HHAT: variants seen among roughly 807,000 people sequenced by gnomAD.
The protein encoded by HHAT is hedgehog acyltransferase.
A neutral mutation model predicts 70.8 loss-of-function variants in HHAT; 47 were observed. The ratio of observed to expected loss-of-function variants is 0.66; its 90% CI spans 0.53 to 0.85. HHAT has a LOEUF of 0.85. Ranked by LOEUF, HHAT falls within the 40% of genes least tolerant of loss-of-function variation. HHAT has a pLI of 0.00. For missense variants in HHAT, 609 were observed against 604.8 expected (o/e 1.01, Z -0.07); for synonymous variants, 228 against 247.6 (o/e 0.92, Z 0.74).
At chr1:210,509,738 A>G (rs1374902507) in intron 8 of HHAT, among the ~76,000 whole-genome samples, 1 of 152,108 alleles carries the variant, frequency 6.6e-6, no homozygotes, top group Non-Finnish European at 1.5e-5. Context: ...AGAAACTATA[A>G]CCCTTTACTC....
At chr1:210,621,087 G>T (rs1177869711) in intron 10 of HHAT, among the ~76,000 whole-genome samples, 1 of 152,120 alleles carries the variant, frequency 6.6e-6, no homozygotes, top group Non-Finnish European at 1.5e-5. Context: ...GCTGTGTCCA[G>T]TCCTTACCCT....
chr1:210,410,526 T>A (rs1327607152), intron 6 of HHAT, among the ~76,000 whole-genome samples: 1 of 85,926 alleles, frequency 1.2e-5, no homozygotes, highest in Non-Finnish European at 2.6e-5. Context: ...TTTGTAAATT[T>A]TTTTTTTTTT....
At chr1:210,466,294 G>C (rs1175094701) in intron 8 of HHAT, among the ~76,000 whole-genome samples, 1 of 152,236 alleles carries the variant, frequency 6.6e-6, no homozygotes. Context: ...TAGTTACTCT[G>C]ATTTGTCCTT....
intron 3 of HHAT, among the ~76,000 whole-genome samples, chr1:210,379,511 G>C (rs1382508753): frequency 6.6e-6 from 1 of 152,244 alleles, no homozygotes; most frequent in Non-Finnish European, 1.5e-5. Context: ...GAATGCTGAA[G>C]TTCCTTTTTG....
At chr1:210,554,357 G>A (rs1014791635) in intron 9 of HHAT, among the ~76,000 whole-genome samples, 8 of 152,114 alleles carry the variant, frequency 5.3e-5, no homozygotes, top group Admixed American at 5.2e-4. Context: ...CTTTGTCCTG[G>A]CTTTTGAAGA....
chr1:210,589,430 G>A (rs1049785957), intron 10 of HHAT: 5 of 152,344 alleles, frequency 3.3e-5, no homozygotes, highest in South Asian at 2.1e-4. Flanking sequence ...CCATGGCTAT[G>A]TAACACACAG....
chr1:210,393,005 G>A (rs1306212960), intron 4 of HHAT, among the ~76,000 whole-genome samples: 4 of 152,150 alleles, frequency 2.6e-5, no homozygotes, highest in Admixed American at 6.5e-5. Context: ...TTCTCCTCTC[G>A]TGGGAGGCAG....
chr1:210,587,610 A>C (rs1044660960), intron 9 of HHAT, among the ~76,000 whole-genome samples: 96 of 152,216 alleles, frequency 6.3e-4, no homozygotes, highest in South Asian at 4.2e-4. Flanking sequence ...CCCTTTCAGA[A>C]ACTCTAAATT....
intron 8 of HHAT, among the ~76,000 whole-genome samples, chr1:210,487,587 T>C (rs2094492444): frequency 6.6e-6 from 1 of 152,176 alleles, no homozygotes; most frequent in Non-Finnish European, 1.5e-5. Flanking sequence ...AATGAATGGC[T>C]TGGAAGAATG....
At chr1:210,587,381 G>A (rs1045314787) in intron 9 of HHAT, among the ~76,000 whole-genome samples, 4 of 152,074 alleles carry the variant, frequency 2.6e-5, no homozygotes, top group South Asian at 2.1e-4. Context: ...AGACTTATTC[G>A]CTATCATGAG....
chr1:210,575,087 A>T (rs575610041), intron 9 of HHAT, among the ~76,000 whole-genome samples: 1 of 152,032 alleles, frequency 6.6e-6, no homozygotes, highest in South Asian at 2.1e-4. Context: ...CTGCTGATGG[A>T]GCAAAGATTG....
At chr1:210,471,030 G>A (rs147250310) in intron 8 of HHAT, among the ~76,000 whole-genome samples, 8 of 152,088 alleles carry the variant, frequency 5.3e-5, no homozygotes, top group East Asian at 1.9e-4. Flanking sequence ...TGCTGTAACC[G>A]TAGCACCCTC....
At chr1:210,343,925 C>T (rs183998599) in intron 1 of HHAT, among the ~76,000 whole-genome samples, 3 of 152,182 alleles carry the variant, frequency 2.0e-5, no homozygotes, top group Non-Finnish European at 4.4e-5. Context: ...TTGTTGAGTG[C>T]TTATTCACTG....
At chr1:210,373,190 A>G (rs1211349665) in intron 3 of HHAT, among the ~76,000 whole-genome samples, 2 of 152,228 alleles carry the variant, frequency 1.3e-5, no homozygotes, top group East Asian at 3.9e-4. Context: ...GTGCTGTAAC[A>G]TGATTCAGAC....
chr1:210,627,164 G>A (rs1435923498), intron 11 of HHAT, among the ~76,000 whole-genome samples: 3 of 152,162 alleles, frequency 2.0e-5, no homozygotes, highest in Non-Finnish European at 4.4e-5. Flanking sequence ...CCTCTAACAG[G>A]TCTCACCTCA....
intron 7 of HHAT, among the ~76,000 whole-genome samples, chr1:210,436,431 T>G (rs2093376496): frequency 6.6e-6 from 1 of 151,762 alleles, no homozygotes. Flanking sequence ...TTGCTCAGGG[T>G]TGCTTTGGCT....
At chr1:210,446,120 C>T (rs374326225) in intron 7 of HHAT, among the ~76,000 whole-genome samples, 1 of 152,134 alleles carries the variant, frequency 6.6e-6, no homozygotes, top group Non-Finnish European at 1.5e-5. Context: ...GTGGGAGATT[C>T]TCTTGTCGGG....
chr1:210,444,741 T>C (rs2093600044), intron 7 of HHAT, among the ~76,000 whole-genome samples: 1 of 152,122 alleles, frequency 6.6e-6, no homozygotes, highest in African/African-American at 2.4e-5. Flanking sequence ...CTCAAACTCC[T>C]GGATTTGAGC....
Position 210,638,320 on chromosome 1 carries a change from C to T in HHAT, c.1390+14650C>T, listed in dbSNP as rs574603175. The stretch of plus-strand genomic sequence containing the variant: ...TCTGTCAAATGATATGTGGCATATC[C>T]ATACAATGGAGTATTATTCAGCAAT... On this transcript the variant is annotated intron_variant, in intron 11 of 11. Coordinates refer to ENST00000261458, the MANE Select transcript of HHAT (RefSeq NM_018194.6). 3.3e-5 allele frequency among the ~76,000 whole-genome samples: 5 copies of T among 152,284 alleles called. No homozygotes were observed. In the East Asian group the frequency reaches 9.6e-4, roughly 29 times the overall value.
Sources: gnomAD v4.1 joint callset for allele counts (sites outside exome capture counted in the v4.1 genomes callset) on GRCh38, gnomAD v4.1.1 for gene constraint, MANE v1.5 for transcripts, NCBI Gene and HGNC (gene_info 2026-07-23, HGNC 2026-07-21) for gene names.